Variants in NBR1 observed in about 807,000 individuals in gnomAD.
The protein encoded by NBR1 is next to BRCA1 gene 1 protein.
A neutral mutation model predicts 115.5 loss-of-function variants in NBR1; 59 were observed. The ratio of observed to expected loss-of-function variants is 0.51; its 90% CI spans 0.41 to 0.63. NBR1 has a LOEUF of 0.63. NBR1 is among the 30% of genes least tolerant of loss of function. The pLI, the probability that NBR1 is intolerant of heterozygous loss-of-function variation, is 0.00. For synonymous variants in NBR1, 373 were observed against 414.7 expected (o/e 0.90, Z 1.22); for missense variants, 1,043 against 1,150.5 (o/e 0.91, Z 1.35).
chr17:43,191,122 T>C (rs1194024918), intron 9 of NBR1, among the ~76,000 whole-genome samples: 1 of 151,980 alleles, frequency 6.6e-6, no homozygotes, highest in East Asian at 1.9e-4. Flanking sequence ...GGCGTGGTGG[T>C]GCGTACCTAT....
At chr17:43,179,620 T>A (rs566708460) in intron 4 of NBR1, among the ~76,000 whole-genome samples, 1 of 152,340 alleles carries the variant, frequency 6.6e-6, no homozygotes, top group South Asian at 2.1e-4. Flanking sequence ...ACAGCTTTAA[T>A]GGGAGGTTCT....
chr17:43,209,604 C>T (rs938607466), intron 20 of NBR1: 17 of 1,535,460 alleles, frequency 1.1e-5, no homozygotes, highest in African/African-American at 1.4e-5. Context: ...AAAAATGCTT[C>T]TTCCTGAAAG....
intron 20 of NBR1, chr17:43,209,470 C>A: frequency 9.1e-7 from 1 of 1,099,284 alleles, no homozygotes; most frequent in Non-Finnish European, 1.3e-6. Flanking sequence ...CTCTGCATAT[C>A]TGACAAAATT....
Position 43,210,510 on chromosome 17 carries a change from C to A in NBR1, c.*436C>A. On this transcript the variant is annotated 3_prime_UTR_variant, in exon 21 of 21. Transcript: ENST00000590996. ...GAATTATTCTCATAATTCTTATTCT[C>A]ATAATTTCTGTAATCCACCTCAAGC... 2.5e-6 allele frequency: 1 copy of A among 397,854 alleles called. No homozygotes were observed. The highest frequency in any genetic ancestry group is 4.4e-6 in the Non-Finnish European group (1 of 225,990). 24.6% of individuals were successfully genotyped at this position (397,854 alleles called of 1,614,324 possible).
At chr17:43,195,389 C>T (rs889687620) in intron 14 of NBR1, 5 of 272,106 alleles carry the variant, frequency 1.8e-5, no homozygotes, top group African/African-American at 9.4e-5. Context: ...CGGTGGCTCA[C>T]GCCTGTAATC....
At position 43,186,390 on chromosome 17, in the gene NBR1, A is replaced by G. The variant is rs780894575; in HGVS notation, c.348A>G (p.Ser116=). ...AGKKPLAHYS[S]LVRVLGSDMK... ...AGAAGCCACTTGCACATTACTCTTC[A>G]CTGGTGAGAGTCTTGGGATCAGACA... Residue 116 remains serine, a synonymous_variant, in exon 6 of 21, where the codon TCA becomes TCG. Coordinates refer to ENST00000590996, the MANE Select transcript of NBR1 (RefSeq NM_005899.5). The G allele has an allele frequency of 1.2e-6, 2 of 1,601,518 alleles. No individual in the cohort carries two copies. The highest frequency in any genetic ancestry group is 2.3e-5 in the East Asian group (1 of 44,368).
Position 43,193,428 on chromosome 17 carries a change from T to C in NBR1, c.1314T>C (p.His438=), listed in dbSNP as rs1426281312. Residue 438 remains histidine (H), a synonymous_variant, in exon 12 of 21, where the codon CAT becomes CAC. Coordinates refer to ENST00000590996, the MANE Select transcript of NBR1 (RefSeq NM_005899.5). ...DVLVPCLKAG[H]VGVVSVEFIA... is the part of the protein sequence containing the mutation. The stretch of plus-strand genomic sequence containing the variant: ...TGGTTCCCTGCCTCAAGGCCGGCCA[T>C]GTGGGAGTTGTATCTGTGGAGTTCA... The C allele has an allele frequency of 1.9e-6, 3 of 1,613,962 alleles. No homozygotes were observed. The highest frequency in any genetic ancestry group is 1.7e-5 in the Admixed American group (1 of 59,998).
chr17:43,209,403 A>G (rs1348397268), intron 20 of NBR1, among the ~76,000 whole-genome samples: 1 of 152,102 alleles, frequency 6.6e-6, no homozygotes, highest in Non-Finnish European at 1.5e-5. Flanking sequence ...TGGAGGAGAA[A>G]AAATCAAGAA....
chr17:43,183,327 TCTC>T (rs1406137344), intron 5 of NBR1, among the ~76,000 whole-genome samples: 1 of 151,528 alleles, frequency 6.6e-6, no homozygotes, highest in Non-Finnish European at 1.5e-5. Context: ...TTCAAGCAGT[TCTC>T]CTGCCTCAGC....
chr17:43,173,078 G>T (rs1033871767), intron 1 of NBR1, among the ~76,000 whole-genome samples: 1 of 152,018 alleles, frequency 6.6e-6, no homozygotes, highest in African/African-American at 2.4e-5. Flanking sequence ...CACCCACCTC[G>T]GCCTCCCAAA....
rs752578904 is a variant in NBR1 at position 43,210,730 on chromosome 17, G to C, written c.*656G>C. 2.5e-6 allele frequency: 1 copy of C among 398,384 alleles called. No homozygotes were observed. The highest frequency in any genetic ancestry group is 3.6e-5 in the East Asian group (1 of 28,068). The allele number at this position is 398,384 out of a possible 1,614,324, so 24.7% of individuals were successfully genotyped here. ...ATTTCAATGAAAGGAGGAAGAGTGT[G>C]CTGATAAACCTACCAGCACCTATTG... On this transcript the variant is annotated 3_prime_UTR_variant, in exon 21 of 21. Transcript: ENST00000590996.
Position 43,202,695 on chromosome 17 carries a change from G to T in NBR1, c.2604G>T (p.Lys868Asn). The T allele has an allele frequency of 6.3e-7, 1 of 1,575,592 alleles. No homozygotes were observed. Residue 868 changes from lysine (K) to asparagine (N), a missense_variant, in exon 19 of 21, where the codon AAG becomes AAT. By Grantham distance (94) the Lys-to-Asn change is moderately conservative. Coordinates refer to ENST00000590996, the MANE Select transcript of NBR1 (RefSeq NM_005899.5). ...CAGGACTTGTAAACAGCAGACAGAAGAGCTATGACCACTCAAGGTAACAAC... is the reference window on the plus strand; with the variant it reads ...CAGGACTTGTAAACAGCAGACAGAATAGCTATGACCACTCAAGGTAACAAC... ...GSSGLVNSRQ[K>N]SYDHSRHHHG... is the part of the protein sequence containing the mutation.
chr17:43,178,155 C>T, intron 3 of NBR1, 157 bp downstream of exon 3: 3 of 859,204 alleles, frequency 3.5e-6, no homozygotes, highest in Middle Eastern at 4.9e-4. Flanking sequence ...CTTGCAGCAT[C>T]TGAGATGGAG....
At chr17:43,203,864 G>T in intron 20 of NBR1, 78 bp downstream of exon 20, 1 of 821,764 alleles carries the variant, frequency 1.2e-6, no homozygotes, top group Non-Finnish European at 1.9e-6. Context: ...CTGGGTTGAA[G>T]AGTAACATGG....
chr17:43,185,439 C>T (rs1336389213), intron 5 of NBR1, among the ~76,000 whole-genome samples: 2 of 152,082 alleles, frequency 1.3e-5, no homozygotes, highest in African/African-American at 4.8e-5. Context: ...GTGGTGCGCA[C>T]CTGTAGTCCC....
intron 14 of NBR1, chr17:43,196,131 A>AAC: frequency 1.9e-5 from 3 of 161,242 alleles, no homozygotes; most frequent in East Asian, 1.9e-4. Context: ...AAAAAAAAAA[A>AAC]AAAAAGCAAT....
In NBR1 at chr17:43,177,572, AACACACACACACACACAC is replaced by A. The variant is rs60320098; in HGVS notation, c.103-332_103-315del. 7.6e-5 allele frequency among the ~76,000 whole-genome samples: 10 copies of A among 131,326 alleles called. No homozygotes were observed. In the East Asian group the frequency reaches 1.1e-3, roughly 15 times the overall value. 86.2% of individuals were successfully genotyped at this position (131,326 alleles called of 152,430 possible). A position where few individuals can be genotyped will look rare whatever the true frequency, so the allele number is the denominator to read the frequency against. The stretch of plus-strand genomic sequence containing the variant: ...GTTCCCTACCCCACACCCCACCCAA[AACACACACACACACACAC>A]ACACACACACACACACACACACACA... On this transcript the variant is annotated intron_variant, in intron 2 of 20. Transcript: ENST00000590996.
At chr17:43,178,256 C>T (rs1259760966) in intron 3 of NBR1, among the ~76,000 whole-genome samples, 2 of 151,628 alleles carry the variant, frequency 1.3e-5, no homozygotes, top group Non-Finnish European at 2.9e-5. Context: ...CTATGTTGCT[C>T]AGGCCAGTCT....
At chr17:43,203,305 T>C (rs1598013356) in intron 19 of NBR1, among the ~76,000 whole-genome samples, 1 of 152,352 alleles carries the variant, frequency 6.6e-6, no homozygotes, top group South Asian at 2.1e-4. Context: ...CTTCCACTCA[T>C]ATTAGGCCAG....
Sources: gnomAD v4.1 joint callset for allele counts (sites outside exome capture counted in the v4.1 genomes callset) on GRCh38, gnomAD v4.1.1 for gene constraint, MANE v1.5 for transcripts, NCBI Gene and HGNC (gene_info 2026-07-23, HGNC 2026-07-21) for gene names.